ZNF804B: variants seen among roughly 807,000 people sequenced by gnomAD.
ZNF804B encodes zinc finger protein 804B, also known as zinc finger 804B.
Under a neutral mutation model 101.4 loss-of-function variants are expected in ZNF804B, and 80 were observed. The observed-to-expected ratio is 0.79, with a 90% confidence interval of 0.66 to 0.95. The LOEUF is 0.95. ZNF804B is among the 40% of genes least tolerant of loss of function. The pLI is 0.00. For missense variants in ZNF804B, 1,673 were observed against 1,561.9 expected, an observed-to-expected ratio of 1.07 and a Z score of -1.20; for synonymous variants, 622 against 558.8, an observed-to-expected ratio of 1.11 and a Z score of -1.59.
At chr7:88,798,701 CTA>C (rs1308779182) in intron 1 of ZNF804B, among the ~76,000 whole-genome samples, 2 of 152,068 alleles carry the variant, frequency 1.3e-5, no homozygotes, top group African/African-American at 4.8e-5. Flanking sequence ...TAAGTTCTGA[CTA>C]GATAGAAATA....
At chr7:89,104,459 T>G (rs1282475603) in intron 1 of ZNF804B, among the ~76,000 whole-genome samples, 1 of 152,074 alleles carries the variant, frequency 6.6e-6, no homozygotes, top group Non-Finnish European at 1.5e-5. Flanking sequence ...TCCACCTGGT[T>G]CAATTTTGGG....
intron 1 of ZNF804B, among the ~76,000 whole-genome samples, chr7:89,004,794 T>A (rs1299347777): frequency 1.3e-5 from 2 of 151,920 alleles, no homozygotes; most frequent in Non-Finnish European, 2.9e-5. Flanking sequence ...GGAAAGAGAT[T>A]TCTAATTTAA....
At chr7:88,984,772 T>C (rs1308987719) in intron 1 of ZNF804B, among the ~76,000 whole-genome samples, 1 of 152,086 alleles carries the variant, frequency 6.6e-6, no homozygotes, top group East Asian at 1.9e-4. Context: ...TTGTTTCTTT[T>C]TAAACTTCTA....
chr7:89,072,038 A>G (rs1235440826), intron 1 of ZNF804B, among the ~76,000 whole-genome samples: 3 of 152,170 alleles, frequency 2.0e-5, no homozygotes, highest in East Asian at 3.9e-4. Flanking sequence ...GATAGAGGCC[A>G]TTCTTCAGAG....
intron 1 of ZNF804B, among the ~76,000 whole-genome samples, chr7:88,810,804 T>C (rs1790773709): frequency 1.3e-5 from 2 of 152,212 alleles, no homozygotes; most frequent in African/African-American, 4.8e-5. Context: ...TTAAATTGCC[T>C]ACTTTTTTGT....
intron 1 of ZNF804B, among the ~76,000 whole-genome samples, chr7:89,198,286 A>G (rs913916473): frequency 2.0e-5 from 3 of 151,904 alleles, no homozygotes; most frequent in Non-Finnish European, 2.9e-5. Context: ...GAATCTAGAC[A>G]TTCTTTTAGT....
rs1314549160 is a variant in ZNF804B at position 89,035,552 on chromosome 7, G to A, written c.109-182603G>A. ...ACATAAATCTTCAGAATTAAAGCCC[G>A]GAAGCAAAGTGTATGTTCCAGTGAA... is the stretch of plus-strand genomic sequence containing the variant. On this transcript the variant is annotated intron_variant, in intron 1 of 3. Transcript: ENST00000333190. Among the ~76,000 whole-genome samples the A allele has an allele frequency of 8.5e-5, 13 of 152,082 alleles. No homozygotes were observed. The South Asian group carries it at 2.1e-3, about 24-fold the overall frequency.
intron 1 of ZNF804B, among the ~76,000 whole-genome samples, chr7:89,101,402 A>G (rs1440215364): frequency 6.6e-6 from 1 of 152,016 alleles, no homozygotes; most frequent in Admixed American, 6.6e-5. Context: ...TCTATTTGAT[A>G]TACAGTGTAG....
chr7:88,903,605 T>C (rs1019564349), intron 1 of ZNF804B, among the ~76,000 whole-genome samples: 28 of 152,286 alleles, frequency 1.8e-4, no homozygotes, highest in African/African-American at 6.0e-4. Flanking sequence ...CTCCATAGCC[T>C]CGCCAGCATC....
At chr7:89,161,795 T>C (rs1289655671) in intron 1 of ZNF804B, among the ~76,000 whole-genome samples, 1 of 152,158 alleles carries the variant, frequency 6.6e-6, no homozygotes, top group East Asian at 1.9e-4. Flanking sequence ...TTTGGATAAA[T>C]ATTATCAAAA....
chr7:88,913,093 G>A (rs1356082756), intron 1 of ZNF804B, among the ~76,000 whole-genome samples: 1 of 152,122 alleles, frequency 6.6e-6, no homozygotes, highest in Non-Finnish European at 1.5e-5. Context: ...TTACACAAAA[G>A]AAGTGGGTTC....
At chr7:89,060,448 C>T (rs1280872316) in intron 1 of ZNF804B, among the ~76,000 whole-genome samples, 2 of 152,090 alleles carry the variant, frequency 1.3e-5, no homozygotes, top group Non-Finnish European at 2.9e-5. Flanking sequence ...AGCAGAAAAT[C>T]ACTTAATTGA....
chr7:89,230,739 T>C (rs2115737747), intron 2 of ZNF804B, among the ~76,000 whole-genome samples: 1 of 151,172 alleles, frequency 6.6e-6, no homozygotes, highest in Non-Finnish European at 1.5e-5. Flanking sequence ...TCTGATTTTC[T>C]AAAAGAAGCT....
intron 1 of ZNF804B, among the ~76,000 whole-genome samples, chr7:88,822,277 G>A (rs1790993807): frequency 6.6e-6 from 1 of 152,000 alleles, no homozygotes; most frequent in South Asian, 2.1e-4. Flanking sequence ...ATTTTTATGG[G>A]AACTAAAAAC....
At chr7:88,940,661 C>G (rs923177877) in intron 1 of ZNF804B, among the ~76,000 whole-genome samples, 6 of 151,422 alleles carry the variant, frequency 4.0e-5, no homozygotes, top group Admixed American at 1.3e-4. Context: ...CCCAGCTACT[C>G]TGGAGGGTAA....
intron 1 of ZNF804B, among the ~76,000 whole-genome samples, chr7:88,869,026 CCTATTGAAGAAT>C (rs1374243701): frequency 6.6e-6 from 1 of 152,042 alleles, no homozygotes; most frequent in Non-Finnish European, 1.5e-5. Context: ...AGAAGAATCA[CCTATTGAAGAAT>C]CTTTCTTAAA....
chr7:88,849,765 T>C (rs972387099), intron 1 of ZNF804B, among the ~76,000 whole-genome samples: 14 of 151,690 alleles, frequency 9.2e-5, no homozygotes, highest in African/African-American at 3.4e-4. Context: ...TGTTTATAGA[T>C]GGACATTTCC....
At chr7:88,765,690 T>C (rs1378553863) in intron 1 of ZNF804B, among the ~76,000 whole-genome samples, 1 of 152,192 alleles carries the variant, frequency 6.6e-6, no homozygotes, top group Non-Finnish European at 1.5e-5. Flanking sequence ...ATAACAAATG[T>C]AGTTTTTCAT....
At chr7:88,805,820 A>G (rs1337356759) in intron 1 of ZNF804B, among the ~76,000 whole-genome samples, 2 of 152,140 alleles carry the variant, frequency 1.3e-5, no homozygotes, top group African/African-American at 4.8e-5. Flanking sequence ...TGTCTCAATG[A>G]CAAGTACCTC....
Sources: gnomAD v4.1 joint callset for allele counts (sites outside exome capture counted in the v4.1 genomes callset) on GRCh38, gnomAD v4.1.1 for gene constraint, MANE v1.5 for transcripts, NCBI Gene and HGNC (gene_info 2026-07-23, HGNC 2026-07-21) for gene names.